The following LGALSL variants were observed in gnomAD, a reference collection of about 807,000 sequenced individuals.
LGALSL encodes galectin-related protein.
A neutral mutation model predicts 19.5 loss-of-function variants in LGALSL; 13 were observed. That is an observed-to-expected ratio of 0.67 (90% CI 0.43 to 1.06). The LOEUF (loss-of-function observed/expected upper bound fraction) is 1.06, where lower values mean the gene tolerates loss of function less well. Ranked by LOEUF, LGALSL falls within the 50% of genes least tolerant of loss-of-function variation. The pLI is 0.00. For synonymous variants in LGALSL, 86 were observed against 78.3 expected, an observed-to-expected ratio of 1.10 and a Z score of -0.52; for missense variants, 189 against 219.3, an observed-to-expected ratio of 0.86 and a Z score of 0.87.
In LGALSL at chr2:64,458,460, G is replaced by A. The variant is rs139743517; in HGVS notation, c.*32G>A. 58 of 1,595,838 alleles carry A rather than the reference G, an allele frequency of 3.6e-5. No homozygotes were observed. Among genetic ancestry groups the A allele is most frequent in the African/African-American group, 2.8e-4 (21 of 74,426 alleles). ...CCACCTCTATTTCAAATAGGATCAC[G>A]TGCCACAACTATCTGACTGTTGGTC... On this transcript the variant is annotated 3_prime_UTR_variant, in exon 5 of 5. Transcript: ENST00000238875.
At chr2:64,458,232 T>G (rs1308910498) in intron 4 of LGALSL, 53 bp from the exon 5 acceptor site, 16 of 1,544,932 alleles carry the variant, frequency 1.0e-5, no homozygotes, top group Admixed American at 5.2e-5. Context: ...GTATTGTTTG[T>G]TTTCCCCAGT....
chr2:64,455,671 CAG>C lies in LGALSL; in HGVS notation c.196_197del (p.Ser66LeufsTer42). 6.2e-7 allele frequency: 1 copy of C among 1,611,226 alleles called. No individual in the cohort carries two copies. Among genetic ancestry groups the C allele is most frequent in the Non-Finnish European group, 8.5e-7 (1 of 1,177,358 alleles). On this transcript the variant is annotated frameshift_variant, in exon 3 of 5. Transcript: ENST00000238875. LOFTEE classifies it high-confidence loss of function. ...GTGATGGGCATCGTAGACCTCAACC[CAG>C]AGAGGTAAGGCAGAGTCTTTGTCAG...
rs905911471 is a variant in LGALSL at position 64,459,285 on chromosome 2, T to G, written c.*857T>G. ...GGGAATTAGCACATTATTGGCTTCC[T>G]TAAGACTAATTATTTCTCTCTTGAT... On this transcript the variant is annotated 3_prime_UTR_variant, in exon 5 of 5. Transcript: ENST00000238875. 5 of 152,364 alleles carry G rather than the reference T, an allele frequency of 3.3e-5. No individual in the cohort carries two copies. The highest frequency in any genetic ancestry group is 1.2e-4 in the African/African-American group (5 of 41,588). The allele number at this position is 152,364 out of a possible 1,614,324, so 9.4% of individuals were successfully genotyped here.
chr2:64,458,538 A>G lies in LGALSL; in HGVS notation c.*110A>G. ...AGACTTAAAAAGAAAACAAAAACAA[A>G]TGGCAAGTTTCACTTAAGGGTGGTT... On this transcript the variant is annotated 3_prime_UTR_variant, in exon 5 of 5. Transcript: ENST00000238875. The G allele has an allele frequency of 9.1e-7, 1 of 1,102,752 alleles. No individual in the cohort carries two copies. The highest frequency in any genetic ancestry group is 1.3e-6 in the Non-Finnish European group (1 of 778,416). 68.3% of individuals were successfully genotyped at this position (1,102,752 alleles called of 1,614,324 possible).
At chr2:64,457,746 A>C (rs559314518) in intron 4 of LGALSL, among the ~76,000 whole-genome samples, 54 of 152,196 alleles carry the variant, frequency 3.5e-4, no homozygotes, top group African/African-American at 1.3e-3. Flanking sequence ...GGCACCCTTG[A>C]CCCATTATCT....
In LGALSL at chr2:64,454,912, C is replaced by T. The variant is rs576475753; in HGVS notation, c.36+331C>T. ...CCGGGGCGCGCGCCCCGCCACCGCC[C>T]CCGACGTACCGGGGATTCCCCCTTG... is the stretch of plus-strand genomic sequence containing the variant. On this transcript the variant is annotated intron_variant, in intron 1 of 4. Coordinates refer to ENST00000238875, the MANE Select transcript of LGALSL (RefSeq NM_014181.3). This position sits in a 1 kb window ranked among gnomAD's most constrained non-coding sequence, Gnocchi z 5.1. Among the ~76,000 whole-genome samples, 1 of 152,226 alleles carries T rather than the reference C, an allele frequency of 6.6e-6. No individual in the cohort carries two copies. The highest frequency in any genetic ancestry group is 1.9e-4 in the East Asian group (1 of 5,172).
rs562969908 is a variant in LGALSL, at chr2:64,460,233, T to C, written c.*1805T>C. 6.6e-6 allele frequency: 1 copy of C among 152,248 alleles called. No homozygotes were observed. Among genetic ancestry groups the C allele is most frequent in the Non-Finnish European group, 1.5e-5 (1 of 68,036 alleles). The allele number at this position is 152,248 out of a possible 1,614,324, so 9.4% of individuals were successfully genotyped here. On this transcript the variant is annotated 3_prime_UTR_variant, in exon 5 of 5. Transcript: ENST00000238875. ...ACACTGTATCCAACAAGACTGGCTG[T>C]ACATTGAAAAGCTTTATGTACCAGC...
rs887298336 is a variant in LGALSL at position 64,454,180 on chromosome 2, G to A, written c.-366G>A. On this transcript the variant is annotated 5_prime_UTR_variant, in exon 1 of 5. Transcript: ENST00000238875. This position sits in a 1 kb window ranked among gnomAD's most constrained non-coding sequence, Gnocchi z 5.1. ...CCGCCCTGTTCCCGGTTCCCGAGCCGGGCCCCGGAGGCCTTTAAATGCTGC... is the reference window on the plus strand; with the variant it reads ...CCGCCCTGTTCCCGGTTCCCGAGCCAGGCCCCGGAGGCCTTTAAATGCTGC... The A allele has an allele frequency of 1.3e-4, 49 of 390,000 alleles. No homozygotes were observed. Among genetic ancestry groups the A allele is most frequent in the Non-Finnish European group, 2.0e-4 (43 of 220,498 alleles). The allele number at this position is 390,000 out of a possible 1,614,324, so 24.2% of individuals were successfully genotyped here.
Position 64,460,955 on chromosome 2 carries a change from G to T in LGALSL, c.*2527G>T, listed in dbSNP as rs186885919. On this transcript the variant is annotated 3_prime_UTR_variant, in exon 5 of 5. Coordinates refer to ENST00000238875, the MANE Select transcript of LGALSL (RefSeq NM_014181.3). ...TTTAGACAATCTGTCCATTTCTACA[G>T]TAAAATTGGAGTGAGTGTGTATATC... 3 of 152,328 alleles carry T rather than the reference G, an allele frequency of 2.0e-5. No homozygotes were observed. The South Asian group carries it at 6.2e-4, about 32-fold the overall frequency. 9.4% of individuals were successfully genotyped at this position (152,328 alleles called of 1,614,324 possible). A position where few individuals can be genotyped will look rare whatever the true frequency, so the allele number is the denominator to read the frequency against.
At position 64,459,282 on chromosome 2, in the gene LGALSL, T is replaced by C. The variant is rs1222067287; in HGVS notation, c.*854T>C. On this transcript the variant is annotated 3_prime_UTR_variant, in exon 5 of 5. Coordinates refer to ENST00000238875, the MANE Select transcript of LGALSL (RefSeq NM_014181.3). ...ACTGGGAATTAGCACATTATTGGCT[T>C]CCTTAAGACTAATTATTTCTCTCTT... is the stretch of plus-strand genomic sequence containing the variant. 2 of 152,240 alleles carry C rather than the reference T, an allele frequency of 1.3e-5. No homozygotes were observed. The highest frequency in any genetic ancestry group is 4.8e-5 in the African/African-American group (2 of 41,462). 9.4% of individuals were successfully genotyped at this position (152,240 alleles called of 1,614,324 possible).
chr2:64,456,769 A>AAT (rs1222887976), intron 4 of LGALSL, among the ~76,000 whole-genome samples: 24 of 152,272 alleles, frequency 1.6e-4, no homozygotes, highest in African/African-American at 4.6e-4. Context: ...CCTACCCCCA[A>AAT]ATATCTGATT....
At chr2:64,455,710 C>A in intron 3 of LGALSL, 33 bp downstream of exon 3, 1 of 1,506,952 alleles carries the variant, frequency 6.6e-7, no homozygotes, top group Non-Finnish European at 9.2e-7. Context: ...ACAGAACTAT[C>A]AGGCTGTGGC....
chr2:64,456,206 G>A, intron 3 of LGALSL, 82 bp from the exon 4 acceptor site: 2 of 1,255,702 alleles, frequency 1.6e-6, no homozygotes, highest in East Asian at 4.8e-5. Flanking sequence ...ACCCAGAGGA[G>A]GAAGAAGAAA....
chr2:64,460,758 G>C lies in LGALSL; in HGVS notation c.*2330G>C, dbSNP rs1347452049. The C allele has an allele frequency of 6.6e-6, 1 of 152,170 alleles. No individual in the cohort carries two copies. 9.4% of individuals were successfully genotyped at this position (152,170 alleles called of 1,614,324 possible). On this transcript the variant is annotated 3_prime_UTR_variant, in exon 5 of 5. Transcript: ENST00000238875. ...GAAAACAATATTCACACCCTCTCCT[G>C]GGCCTGTAAGGTCTAAGGTGAGAAT...
In LGALSL at chr2:64,456,334, G is replaced by A. The variant is rs1179182940; in HGVS notation, c.244G>A (p.Asp82Asn). 5.0e-6 allele frequency: 8 copies of A among 1,611,938 alleles called. No individual in the cohort carries two copies. The highest frequency in any genetic ancestry group is 5.9e-6 in the Non-Finnish European group (7 of 1,179,208). The change falls in exon 4 of 5, where the codon GAT becomes AAT. Residue 82 changes from aspartate to asparagine, a missense_variant. This residue lies in a region of LGALSL where 106 missense variants were observed against 119.3 expected (regional missense o/e 0.89). Transcript: ENST00000238875. ...TCGDSEDPPADVAIELKAVFT... is the reference protein window; with the variant it reads ...TCGDSEDPPANVAIELKAVFT... Reference sequence around the variant, plus strand: ...TGGGGACTCAGAAGACCCTCCTGCCGATGTGGCAATCGAACTCAAAGCTGT... The same window carrying A: ...TGGGGACTCAGAAGACCCTCCTGCCAATGTGGCAATCGAACTCAAAGCTGT...
intron 4 of LGALSL, 57 bp from the exon 5 acceptor site, chr2:64,458,224 ATTGT>A: frequency 6.8e-7 from 1 of 1,469,726 alleles, no homozygotes; most frequent in South Asian, 1.2e-5. Flanking sequence ...AAAATGAAGT[ATTGT>A]TTGTTTTCCC....
chr2:64,457,183 T>G (rs1686749639), intron 4 of LGALSL, among the ~76,000 whole-genome samples: 1 of 152,046 alleles, frequency 6.6e-6, no homozygotes, highest in Non-Finnish European at 1.5e-5. Flanking sequence ...CCCACCACTT[T>G]GGGAGGCTGA....
At position 64,455,312 on chromosome 2, in the gene LGALSL, T is replaced by G. The variant is rs79530167; in HGVS notation, c.37-32T>G. The G allele has an allele frequency of 2.9e-4, 433 of 1,510,084 alleles. 1 individual carries two copies. In the African/African-American group the frequency reaches 5.5e-3, roughly 19 times the overall value. 93.5% of individuals were successfully genotyped at this position (1,510,084 alleles called of 1,614,324 possible). On this transcript the variant is annotated intron_variant, in intron 1 of 4. Coordinates refer to ENST00000238875, the MANE Select transcript of LGALSL (RefSeq NM_014181.3). ...CTCCAGCCCCCCAAAAAAGAGCCCA[T>G]GGAAAGCCAATCTGTGTACTTCTAT...
Position 64,455,435 on chromosome 2 carries a change from G to A in LGALSL, c.108+20G>A, listed in dbSNP as rs1686719684. The A allele has an allele frequency of 3.1e-6, 5 of 1,591,638 alleles. No homozygotes were observed. In the South Asian group the frequency reaches 3.3e-5, roughly 11 times the overall value. On this transcript the variant is annotated intron_variant, in intron 2 of 4. Transcript: ENST00000238875. ...CGACTGGTAAATGATTTTGCTCTGT[G>A]TCTCTGCCTGTACCTTCCTCCTTTC...
Sources: gnomAD v4.1 joint callset for allele counts (sites outside exome capture counted in the v4.1 genomes callset) on GRCh38, gnomAD v4.1.1 for gene constraint, gnomAD v4.1.1 regional missense constraint, Gnocchi (gnomAD v3.1) non-coding constraint, MANE v1.5 for transcripts, NCBI Gene and HGNC (gene_info 2026-07-23, HGNC 2026-07-21) for gene names.